The following GNG7 variants were observed in gnomAD, a reference collection of about 807,000 sequenced individuals.
GNG7 encodes the protein guanine nucleotide-binding protein G(I)/G(S)/G(O) subunit gamma-7.
In GNG7, 1 loss-of-function variant was observed where a neutral mutation model predicts 4.0. The ratio of observed to expected loss-of-function variants is 0.25; its 90% confidence interval spans 0.09 to 1.18. The LOEUF is 1.18. Among genes scored for constraint, GNG7 ranks in the 50% most tolerant of loss-of-function variants. The pLI, the probability that GNG7 is intolerant of heterozygous loss-of-function variation, is 0.50. For missense variants in GNG7, 86 were observed against 91.9 expected (o/e 0.94, Z 0.26); for synonymous variants, 34 against 36.9 (o/e 0.92, Z 0.29).
At chr19:2,629,654 G>A (rs1599430269) in intron 2 of GNG7, among the ~76,000 whole-genome samples, 2 of 152,262 alleles carry the variant, frequency 1.3e-5, no homozygotes, top group Non-Finnish European at 2.9e-5. Flanking sequence ...AGCCCTGAAC[G>A]CAGTGTGGGG....
intron 2 of GNG7, among the ~76,000 whole-genome samples, chr19:2,599,074 A>G (rs1981121649): frequency 6.6e-6 from 1 of 152,108 alleles, no homozygotes; most frequent in African/African-American, 2.4e-5. Flanking sequence ...CGGCTGGAAA[A>G]AGCCAATGTC....
intron 2 of GNG7, among the ~76,000 whole-genome samples, chr19:2,598,884 T>C (rs1244392104): frequency 6.6e-6 from 1 of 152,002 alleles, no homozygotes; most frequent in Non-Finnish European, 1.5e-5. Flanking sequence ...TGTAATCACG[T>C]TTTCAGTTGA....
chr19:2,577,241 T>C (rs73522550), intron 2 of GNG7, among the ~76,000 whole-genome samples: 11,158 of 152,224 alleles, frequency 0.073, 1,397 homozygotes, highest in African/African-American at 0.26. Flanking sequence ...AGGGCCTCTG[T>C]TCAGGGTACC....
At chr19:2,695,800 C>T (rs1427463408) in intron 1 of GNG7, among the ~76,000 whole-genome samples, 1 of 152,086 alleles carries the variant, frequency 6.6e-6, no homozygotes, top group Non-Finnish European at 1.5e-5. Context: ...TTCGTCACCT[C>T]GGAGTCTCCC....
At chr19:2,612,403 G>A (rs1981596489) in intron 2 of GNG7, among the ~76,000 whole-genome samples, 1 of 152,018 alleles carries the variant, frequency 6.6e-6, no homozygotes, top group Admixed American at 6.6e-5. Flanking sequence ...ACAGTTCCAG[G>A]GTAGCAGCCT....
At chr19:2,637,451 G>C (rs1982346913) in intron 2 of GNG7, among the ~76,000 whole-genome samples, 2 of 152,172 alleles carry the variant, frequency 1.3e-5, no homozygotes, top group Non-Finnish European at 2.9e-5. Context: ...TCCTTGTAGG[G>C]AGGTGAGTTT....
intron 2 of GNG7, among the ~76,000 whole-genome samples, chr19:2,568,546 CATAT>C (rs150319699): frequency 4.6e-5 from 7 of 151,820 alleles, no homozygotes; most frequent in Non-Finnish European, 7.4e-5. Flanking sequence ...CACACATACA[CATAT>C]ATATACACAC....
chr19:2,559,958 C>T (rs1401457799), intron 2 of GNG7, among the ~76,000 whole-genome samples: 2 of 152,092 alleles, frequency 1.3e-5, no homozygotes, highest in African/African-American at 4.8e-5. Context: ...AGCACGATGC[C>T]TGGGGCCACT....
chr19:2,663,348 C>A (rs189329296), intron 1 of GNG7, among the ~76,000 whole-genome samples: 12 of 151,534 alleles, frequency 7.9e-5, no homozygotes, highest in Admixed American at 2.0e-4. Context: ...CTCTCTCTCC[C>A]CCCCCTCCTC....
rs761734496 is a variant in GNG7, at chr19:2,644,597, CAAG to C, written c.-78+1624_-78+1626del. Among the ~76,000 whole-genome samples the C allele has an allele frequency of 2.2e-4, 33 of 151,982 alleles. 1 individual carries two copies. Among genetic ancestry groups the C allele is most frequent in the Non-Finnish European group, 4.6e-4 (31 of 67,978 alleles). On this transcript the variant is annotated intron_variant, in intron 2 of 4. Transcript: ENST00000382159. ...TAATTCCAGAACATTCTAATTATGC[CAAG>C]AAGAAGAAACCCATCAACCATCACT...
At chr19:2,548,071 C>G (rs982238945) in intron 3 of GNG7, among the ~76,000 whole-genome samples, 1 of 152,202 alleles carries the variant, frequency 6.6e-6, no homozygotes, top group East Asian at 1.9e-4. Flanking sequence ...AGGGCCACCC[C>G]ACTCCAGCCC....
chr19:2,573,017 TCC>T (rs1332216572), intron 2 of GNG7, among the ~76,000 whole-genome samples: 3 of 144,488 alleles, frequency 2.1e-5, no homozygotes, highest in Non-Finnish European at 4.5e-5. Flanking sequence ...TGGAAATTTC[TCC>T]TTTTTTTTTT....
chr19:2,603,538 G>A (rs553210403), intron 2 of GNG7, among the ~76,000 whole-genome samples: 1 of 152,342 alleles, frequency 6.6e-6, no homozygotes, highest in East Asian at 1.9e-4. Context: ...CCATCCCCGA[G>A]GGTTCAGAAA....
chr19:2,543,016 G>A (rs1449978910), intron 3 of GNG7, among the ~76,000 whole-genome samples: 1 of 151,224 alleles, frequency 6.6e-6, no homozygotes, highest in Non-Finnish European at 1.5e-5. Context: ...AGGTTCAAGT[G>A]ATTCTCCTGC....
chr19:2,654,206 T>C (rs1436797807), intron 1 of GNG7, among the ~76,000 whole-genome samples: 1 of 151,982 alleles, frequency 6.6e-6, no homozygotes, highest in East Asian at 1.9e-4. Flanking sequence ...TTCTGCAGAT[T>C]TCAAACCTGT....
chr19:2,559,835 A>G (rs1371496871), intron 2 of GNG7, among the ~76,000 whole-genome samples: 3 of 125,036 alleles, frequency 2.4e-5, no homozygotes, highest in Non-Finnish European at 5.1e-5. Flanking sequence ...TTGAATGCCT[A>G]TCGATGATGT....
chr19:2,528,089 G>A (rs1978467527), intron 3 of GNG7, among the ~76,000 whole-genome samples: 1 of 151,460 alleles, frequency 6.6e-6, no homozygotes, highest in African/African-American at 2.4e-5. Context: ...CCAACATGGT[G>A]AAACCCCCAC....
intron 2 of GNG7, among the ~76,000 whole-genome samples, chr19:2,594,388 A>C (rs1980945494): frequency 7.1e-6 from 1 of 141,460 alleles, no homozygotes; most frequent in Non-Finnish European, 1.5e-5. Flanking sequence ...AGAAAGAAAG[A>C]AGGAAAGAAA....
intron 3 of GNG7, among the ~76,000 whole-genome samples, chr19:2,525,946 A>T (rs1244677854): frequency 7.6e-6 from 1 of 132,084 alleles, no homozygotes; most frequent in Non-Finnish European, 1.6e-5. Flanking sequence ...AGTGGCTGGG[A>T]TTACAGGTGC....
Sources: gnomAD v4.1 joint callset for allele counts (sites outside exome capture counted in the v4.1 genomes callset) on GRCh38, gnomAD v4.1.1 for gene constraint, MANE v1.5 for transcripts, NCBI Gene and HGNC (gene_info 2026-07-23, HGNC 2026-07-21) for gene names.